The following GFRA2 variants were observed in gnomAD, a reference collection of about 807,000 sequenced individuals.
The protein encoded by GFRA2 is GDNF family receptor alpha 2, also known as GDNF family receptor alpha-2.
Under a neutral mutation model 48.3 loss-of-function variants are expected in GFRA2, and 17 were observed. The observed-to-expected ratio is 0.35, with a 90% CI of 0.24 to 0.53. GFRA2 has a LOEUF of 0.53. GFRA2 is among the 20% of genes least tolerant of loss of function. The pLI is 0.93. For synonymous variants in GFRA2, 305 were observed against 257.2 expected, an observed-to-expected ratio of 1.19 and a Z score of -1.78; for missense variants, 660 against 637.3, an observed-to-expected ratio of 1.04 and a Z score of -0.38.
At chr8:21,753,104 T>A (rs1394008931) in intron 3 of GFRA2, among the ~76,000 whole-genome samples, 1 of 152,118 alleles carries the variant, frequency 6.6e-6, no homozygotes, top group Non-Finnish European at 1.5e-5. Context: ...AAAGCCCCCC[T>A]TGGATTCCCC....
chr8:21,734,008 C>T (rs1039056551), intron 4 of GFRA2, among the ~76,000 whole-genome samples: 7 of 152,166 alleles, frequency 4.6e-5, no homozygotes, highest in Non-Finnish European at 1.0e-4. Context: ...GGGACCAAAA[C>T]GATGCAGGCC....
upstream of GFRA2, among the ~76,000 whole-genome samples, chr8:21,793,871 T>TTG (rs1390873171): frequency 2.0e-5 from 3 of 151,468 alleles, no homozygotes; most frequent in East Asian, 1.9e-4. Context: ...TCAAAGTTTT[T>TTG]TTTTTTTTTT....
chr8:21,782,162 C>G (rs1205030407), intron 2 of GFRA2, among the ~76,000 whole-genome samples: 1 of 152,102 alleles, frequency 6.6e-6, no homozygotes, highest in African/African-American at 2.4e-5. Context: ...TGCCCCTTCT[C>G]TCTCCTGGTT....
At chr8:21,800,600 T>A (rs1416161834) in intron 2 of GFRA2, among the ~76,000 whole-genome samples, 3 of 152,154 alleles carry the variant, frequency 2.0e-5, no homozygotes, top group East Asian at 1.9e-4. Flanking sequence ...ACACCACAGA[T>A]GACTTGTGTT....
chr8:21,730,304 G>A (rs1182494733), intron 4 of GFRA2, among the ~76,000 whole-genome samples: 7 of 152,080 alleles, frequency 4.6e-5, no homozygotes, highest in Admixed American at 3.3e-4. Flanking sequence ...TTGGGAGGCT[G>A]AAGCAGGAGA....
At chr8:21,706,263 G>A (rs1027116955) in intron 4 of GFRA2, 30 of 654,054 alleles carry the variant, frequency 4.6e-5, no homozygotes, top group East Asian at 2.0e-4. Flanking sequence ...CACATAGTGC[G>A]GCTTAAGAAA....
intron 4 of GFRA2, among the ~76,000 whole-genome samples, chr8:21,732,047 C>T (rs532770606): frequency 1.7e-4 from 26 of 152,350 alleles, no homozygotes; most frequent in African/African-American, 6.0e-4. Context: ...GGCCCTGAGT[C>T]GGGCCAGGCC....
intron 3 of GFRA2, 64 bp from the exon 4 acceptor site, chr8:21,751,006 C>T: frequency 1.8e-6 from 2 of 1,089,722 alleles, no homozygotes; most frequent in South Asian, 1.5e-5. Flanking sequence ...CAGCTGCCCC[C>T]TCACTGGAAG....
chr8:21,716,500 T>G (rs532246614), intron 4 of GFRA2, among the ~76,000 whole-genome samples: 48 of 151,362 alleles, frequency 3.2e-4, no homozygotes, highest in Non-Finnish European at 4.6e-4. Context: ...AGTGTTGGAG[T>G]AGGCAGATGG....
chr8:21,766,187 C>T (rs1255746973), intron 3 of GFRA2, among the ~76,000 whole-genome samples: 2 of 152,098 alleles, frequency 1.3e-5, no homozygotes, highest in Non-Finnish European at 2.9e-5. Flanking sequence ...GTTCCATCTG[C>T]CATTTCCCTC....
chr8:21,694,629 G>T, intron 7 of GFRA2, 112 bp from the exon 8 acceptor site: 1 of 937,772 alleles, frequency 1.1e-6, no homozygotes, highest in Non-Finnish European at 1.7e-6. Context: ...GCTAAGCACA[G>T]CCAGCGCACA....
chr8:21,788,201 T>G lies in GFRA2; in HGVS notation c.-42A>C. ...CGTTTTTTTGTCTTTCTCCCTTGGG[T>G]AAAAAAAAATAATAGTAGTAACAAC... On this transcript the variant is annotated 5_prime_UTR_variant, in exon 1 of 9. Coordinates refer to ENST00000524240, the MANE Select transcript of GFRA2 (RefSeq NM_001495.5). 6.4e-7 allele frequency: 1 copy of G among 1,564,254 alleles called. No homozygotes were observed. The highest frequency in any genetic ancestry group is 8.7e-7 in the Non-Finnish European group (1 of 1,150,952).
chr8:21,698,345 G>A (rs920914509), intron 7 of GFRA2, among the ~76,000 whole-genome samples: 1 of 152,208 alleles, frequency 6.6e-6, no homozygotes, highest in Non-Finnish European at 1.5e-5. Flanking sequence ...AAGGACAGTG[G>A]GAAAGGCATG....
intron 7 of GFRA2, among the ~76,000 whole-genome samples, chr8:21,698,558 G>C (rs1802322012): frequency 6.6e-6 from 1 of 152,104 alleles, no homozygotes; most frequent in African/African-American, 2.4e-5. Context: ...TGCACTCCCT[G>C]CTTCTGGCCC....
intron 3 of GFRA2, among the ~76,000 whole-genome samples, chr8:21,769,751 G>A (rs1366122014): frequency 6.6e-6 from 1 of 152,178 alleles, no homozygotes; most frequent in Non-Finnish European, 1.5e-5. Flanking sequence ...ACGTGGCAGT[G>A]AGCACCATGA....
At position 21,794,401 on chromosome 8, in the gene GFRA2, C is replaced by T. The variant is rs375957205; in HGVS notation, c.-35-6207G>A. On this transcript the variant is annotated intron_variant, in intron 2 of 10. Coordinates refer to the GFRA2 transcript ENST00000517328. ...AAGTAGCTGAGATTACAGGCACCCACCACCACACCCAGCTAATTTTTGTAT... is the reference window on the plus strand; with the variant it reads ...AAGTAGCTGAGATTACAGGCACCCATCACCACACCCAGCTAATTTTTGTAT... Among the ~76,000 whole-genome samples the T allele has an allele frequency of 5.7e-3, 865 of 151,966 alleles. 8 individuals carry two copies. The highest frequency in any genetic ancestry group is 0.019 in the African/African-American group (775 of 41,412).
At chr8:21,694,684 G>A (rs887525113) in intron 7 of GFRA2, among the ~76,000 whole-genome samples, 167 bp from the exon 8 acceptor site, 3 of 152,204 alleles carry the variant, frequency 2.0e-5, no homozygotes, top group South Asian at 2.1e-4. Context: ...AAAGGCTTCT[G>A]CCCTTCTCTG....
chr8:21,726,008 CT>C, intron 4 of GFRA2, among the ~76,000 whole-genome samples: 1 of 152,292 alleles, frequency 6.6e-6, no homozygotes, highest in East Asian at 1.9e-4. Context: ...CTGGGTTTTG[CT>C]GCCAAGAGGA....
In GFRA2 at chr8:21,693,381, G is replaced by C. The variant is rs1363309033; in HGVS notation, c.1292C>G (p.Pro431Arg). The C allele has an allele frequency of 5.6e-6, 9 of 1,611,716 alleles. No homozygotes were observed. The Admixed American group carries it at 1.5e-4, about 27-fold the overall frequency. ...AGGTTTGATCACCTTGTTACTCCCTGGGATGATATTTGTCGTGAGCTGAGT... is the reference window on the plus strand; with the variant it reads ...AGGTTTGATCACCTTGTTACTCCCTCGGATGATATTTGTCGTGAGCTGAGT... The part of the protein sequence containing the change: ...CFTELTTNII[P>R]GSNKVIKPNS... Residue 431 changes from proline (P) to arginine (R), a missense_variant, in exon 9 of 9, where the codon CCA becomes CGA. Pro to Arg is a moderately radical substitution (Grantham distance 103, BLOSUM62 -2). Transcript: ENST00000524240.
Sources: gnomAD v4.1 joint callset for allele counts (sites outside exome capture counted in the v4.1 genomes callset) on GRCh38, gnomAD v4.1.1 for gene constraint, MANE v1.5 for transcripts, NCBI Gene and HGNC (gene_info 2026-07-23, HGNC 2026-07-21) for gene names.